CEP350: variants seen among roughly 807,000 people sequenced by gnomAD.
CEP350 encodes the protein centrosomal protein 350.
CEP350 carries 126 observed loss-of-function variants against 331.8 expected under a neutral mutation model. That is an observed-to-expected ratio of 0.38 (90% CI 0.33 to 0.44). The LOEUF is 0.44. Ranked by LOEUF, CEP350 falls within the 20% of genes least tolerant of loss-of-function variation. The pLI, the probability that CEP350 is intolerant of heterozygous loss-of-function variation, is 1.00. For missense variants in CEP350, 3,406 were observed against 3,634.6 expected (o/e 0.94, Z 1.62); for synonymous variants, 1,200 against 1,259.5 (o/e 0.95, Z 1.00).
intron 25 of CEP350, among the ~76,000 whole-genome samples, chr1:180,056,671 A>G (rs1657868936): frequency 6.6e-6 from 1 of 151,910 alleles, no homozygotes; most frequent in South Asian, 2.1e-4. Flanking sequence ...CATGTTACCC[A>G]GGCTGGTCTT....
chr1:180,015,630 C>CA (rs956879939), intron 10 of CEP350, among the ~76,000 whole-genome samples: 33 of 152,236 alleles, frequency 2.2e-4, no homozygotes, highest in African/African-American at 7.7e-4. Flanking sequence ...TTTGACCTCT[C>CA]AAAGTGCCTG....
rs770681812 is a variant in CEP350 at position 180,078,592 on chromosome 1, C to T, written c.5897C>T (p.Pro1966Leu). 1 of 1,613,248 alleles carries T rather than the reference C, an allele frequency of 6.2e-7. No individual in the cohort carries two copies. Among genetic ancestry groups the T allele is most frequent in the Non-Finnish European group, 8.5e-7 (1 of 1,179,588 alleles). Residue 1966 changes from proline to leucine, a missense_variant, in exon 29 of 38, where the codon CCA (proline) becomes CTA (leucine). By Grantham distance (98) the Pro-to-Leu change is moderately conservative. This residue lies in a region of CEP350 where 1,415 missense variants were observed against 1,512.3 expected (regional missense o/e 0.94). Coordinates refer to ENST00000367607, the MANE Select transcript of CEP350 (RefSeq NM_014810.5). Reference sequence around the variant, plus strand: ...TCCGAGTCTATAGGACAGGAGCAGCCAGGGAGTCCAGATCACAGTATACTT... The same window carrying T: ...TCCGAGTCTATAGGACAGGAGCAGCTAGGGAGTCCAGATCACAGTATACTT... ...VPSESIGQEQ[P>L]GSPDHSILTE...
intron 28 of CEP350, among the ~76,000 whole-genome samples, chr1:180,075,912 G>A (rs926911534): frequency 9.9e-5 from 15 of 151,552 alleles, no homozygotes; most frequent in Non-Finnish European, 1.6e-4. Context: ...AGCCAACATC[G>A]TACCACTGCA....
In CEP350 at chr1:180,093,690, G is replaced by A; in HGVS notation, c.7585G>A (p.Val2529Met). 3 of 1,613,962 alleles carry A rather than the reference G, an allele frequency of 1.9e-6. No individual in the cohort carries two copies. The highest frequency in any genetic ancestry group is 2.5e-6 in the Non-Finnish European group (3 of 1,179,846). Residue 2529 changes from valine to methionine, a missense_variant, in exon 34 of 38, where the codon GTG (valine) becomes ATG (methionine). Physicochemically the swap from Val to Met is conservative, Grantham distance 21 (BLOSUM62 1). This residue lies in a region of CEP350 where 1,415 missense variants were observed against 1,512.3 expected (regional missense o/e 0.94). Transcript: ENST00000367607. ...TSFAKGFWAGVELDKPEGNNN... is the reference protein window; with the variant it reads ...TSFAKGFWAGMELDKPEGNNN... The stretch of plus-strand genomic sequence containing the variant: ...TTTTGCTAAAGGATTTTGGGCCGGA[G>A]TGGAGTTAGATAAACCTGAAGGAAA...
chr1:180,055,229 CTG>C (rs1487978550), intron 25 of CEP350, among the ~76,000 whole-genome samples: 6 of 152,158 alleles, frequency 3.9e-5, no homozygotes, highest in African/African-American at 1.2e-4. Flanking sequence ...TCACTTGAAA[CTG>C]TGTAATCATG....
chr1:180,003,894 A>T (rs1654037987), intron 7 of CEP350, among the ~76,000 whole-genome samples: 1 of 152,110 alleles, frequency 6.6e-6, no homozygotes, highest in South Asian at 2.1e-4. Flanking sequence ...GTAATTAAGA[A>T]TTGAAGCCAA....
At position 180,092,912 on chromosome 1, in the gene CEP350, TA is replaced by T; in HGVS notation, c.6809del (p.Lys2270ArgfsTer16). The T allele has an allele frequency of 6.3e-7, 1 of 1,576,318 alleles. No homozygotes were observed. The highest frequency in any genetic ancestry group is 2.3e-5 in the East Asian group (1 of 43,612). ...EIEYTKLKKSKIEDAFSKEGK... is the reference protein window; with the variant it reads ...EIEYTKLKKSXIEDAFSKEGK... ...TAGAGTATACAAAATTGAAGAAGAGTAAGATTGAAGATGCCTTTTCTAAAGA... is the reference window on the plus strand; with the variant it reads ...TAGAGTATACAAAATTGAAGAAGAGTAGATTGAAGATGCCTTTTCTAAAGA... On this transcript the variant is annotated frameshift_variant, in exon 34 of 38. Coordinates refer to ENST00000367607, the MANE Select transcript of CEP350 (RefSeq NM_014810.5). LOFTEE classifies it high-confidence loss of function.
intron 1 of CEP350, among the ~76,000 whole-genome samples, chr1:179,960,496 G>A (rs1650524273): frequency 6.6e-6 from 1 of 152,138 alleles, no homozygotes; most frequent in African/African-American, 2.4e-5. Context: ...AATGGAAACA[G>A]CAATATTGGA....
At chr1:180,032,517 C>G (rs182476002) in intron 15 of CEP350, among the ~76,000 whole-genome samples, 1 of 152,160 alleles carries the variant, frequency 6.6e-6, no homozygotes, top group Admixed American at 6.5e-5. Flanking sequence ...TAAGTTTCAT[C>G]AATGCCCCAT....
chr1:180,002,653 A>C (rs1653943804), intron 6 of CEP350, among the ~76,000 whole-genome samples: 1 of 152,202 alleles, frequency 6.6e-6, no homozygotes, highest in African/African-American at 2.4e-5. Context: ...GAATGTTCAT[A>C]GCAGCATTGT....
chr1:180,013,654 T>G (rs1224825111), intron 9 of CEP350, among the ~76,000 whole-genome samples, 193 bp from the exon 10 acceptor site: 1 of 152,212 alleles, frequency 6.6e-6, no homozygotes, highest in Non-Finnish European at 1.5e-5. Flanking sequence ...TTTCAGAAGA[T>G]TGAGATTCTT....
intron 27 of CEP350, among the ~76,000 whole-genome samples, chr1:180,070,411 T>C (rs1292108058): frequency 2.0e-5 from 3 of 152,298 alleles, no homozygotes; most frequent in African/African-American, 7.2e-5. Context: ...TAACGTCACA[T>C]GGTCTAGCAG....
At chr1:180,041,548 A>G in intron 18 of CEP350, 114 bp from the exon 19 acceptor site, 1 of 1,019,094 alleles carries the variant, frequency 9.8e-7, no homozygotes, top group Non-Finnish European at 1.4e-6. Context: ...TCCAGATTGT[A>G]GTAAAGTGTT....
At position 180,078,534 on chromosome 1, in the gene CEP350, G is replaced by A; in HGVS notation, c.5839G>A (p.Glu1947Lys). 1 of 1,613,624 alleles carries A rather than the reference G, an allele frequency of 6.2e-7. No homozygotes were observed. Residue 1947 changes from glutamate (E) to lysine (K), a missense_variant, in exon 29 of 38, where the codon GAA becomes AAA. By Grantham distance (56) the Glu-to-Lys change is moderately conservative (BLOSUM62 1). This residue lies in a region of CEP350 where 1,415 missense variants were observed against 1,512.3 expected (regional missense o/e 0.94). Transcript: ENST00000367607. ...HLNSESSIPE[E>K]LGSPAVEYVP... Reference sequence around the variant, plus strand: ...AAACAGTGAAAGCTCCATTCCAGAAGAATTAGGCAGCCCTGCTGTTGAATA... The same window carrying A: ...AAACAGTGAAAGCTCCATTCCAGAAAAATTAGGCAGCCCTGCTGTTGAATA...
intron 1 of CEP350, among the ~76,000 whole-genome samples, chr1:179,980,720 C>A (rs1652208045): frequency 6.6e-6 from 1 of 151,826 alleles, no homozygotes; most frequent in African/African-American, 2.4e-5. Context: ...CTCTCTCTTT[C>A]TCTCTCTCTC....
At chr1:179,983,025 A>G (rs941245926) in intron 1 of CEP350, among the ~76,000 whole-genome samples, 4 of 151,900 alleles carry the variant, frequency 2.6e-5, no homozygotes, top group African/African-American at 9.7e-5. Context: ...TCTTGACCTC[A>G]TGATCCACCT....
chr1:180,016,302 C>T (rs550039117), intron 11 of CEP350, among the ~76,000 whole-genome samples: 5 of 152,104 alleles, frequency 3.3e-5, no homozygotes, highest in Non-Finnish European at 5.9e-5. Flanking sequence ...TAATTTCAAA[C>T]GGGTTTTTGT....
At chr1:180,080,737 G>A in intron 30 of CEP350, 76 bp downstream of exon 30, 2 of 1,293,820 alleles carry the variant, frequency 1.5e-6, no homozygotes, top group South Asian at 2.4e-5. Context: ...CAAGGAGTTT[G>A]TTGACCTTAG....
At chr1:179,997,489 G>T (rs1653540974) in intron 6 of CEP350, among the ~76,000 whole-genome samples, 1 of 145,886 alleles carries the variant, frequency 6.9e-6, no homozygotes, top group South Asian at 2.2e-4. Flanking sequence ...GTTACACTGA[G>T]CCGAGATCTC....
Sources: gnomAD v4.1 joint callset for allele counts (sites outside exome capture counted in the v4.1 genomes callset) on GRCh38, gnomAD v4.1.1 for gene constraint, gnomAD v4.1.1 regional missense constraint, MANE v1.5 for transcripts, NCBI Gene and HGNC (gene_info 2026-07-23, HGNC 2026-07-21) for gene names.